Variants in ST6GALNAC3 observed in about 807,000 individuals in gnomAD.
The protein encoded by ST6GALNAC3 is alpha-N-acetylgalactosaminide alpha-2,6-sialyltransferase 3.
In ST6GALNAC3, 25 loss-of-function variants were observed where a neutral mutation model predicts 32.7. The ratio of observed to expected loss-of-function variants is 0.76; its 90% CI spans 0.56 to 1.07. The LOEUF (loss-of-function observed/expected upper bound fraction) is 1.07. Ranked by LOEUF, ST6GALNAC3 falls within the 50% of genes least tolerant of loss-of-function variation. The probability of loss-of-function intolerance (pLI) is 0.00; values close to 1 mark genes in which losing one functional copy is unlikely to be tolerated. For synonymous variants in ST6GALNAC3, 129 were observed against 133.1 expected (o/e 0.97, Z 0.21); for missense variants, 355 against 382.4 (o/e 0.93, Z 0.60).
At chr1:76,148,328 A>G (rs1358337055) in intron 1 of ST6GALNAC3, among the ~76,000 whole-genome samples, 1 of 152,202 alleles carries the variant, frequency 6.6e-6, no homozygotes, top group Non-Finnish European at 1.5e-5. Context: ...TCAACTGCTC[A>G]TCCCAGTAGG....
At chr1:76,490,809 T>C (rs1027218301) in intron 3 of ST6GALNAC3, among the ~76,000 whole-genome samples, 3 of 152,190 alleles carry the variant, frequency 2.0e-5, no homozygotes, top group Admixed American at 2.0e-4. Flanking sequence ...CCAGTGGGCC[T>C]GCAGTCTGGG....
chr1:76,431,276 G>A (rs149759148), intron 3 of ST6GALNAC3, among the ~76,000 whole-genome samples: 175 of 152,164 alleles, frequency 1.2e-3, no homozygotes, highest in Middle Eastern at 3.4e-3. Flanking sequence ...GTTAAGCTTG[G>A]GAAGCCAGCT....
chr1:76,337,714 C>T (rs766439523), intron 2 of ST6GALNAC3, among the ~76,000 whole-genome samples: 1 of 152,098 alleles, frequency 6.6e-6, no homozygotes, highest in Admixed American at 6.5e-5. Flanking sequence ...TTTGAGAAGG[C>T]CTGCCCTAAA....
chr1:76,129,168 G>T (rs1649448795), intron 1 of ST6GALNAC3, among the ~76,000 whole-genome samples: 1 of 152,158 alleles, frequency 6.6e-6, no homozygotes, highest in African/African-American at 2.4e-5. Flanking sequence ...GGGGATTTTG[G>T]TATTGTGGTG....
At chr1:76,163,259 T>C (rs1183139894) in intron 1 of ST6GALNAC3, among the ~76,000 whole-genome samples, 1 of 152,248 alleles carries the variant, frequency 6.6e-6, no homozygotes, top group Non-Finnish European at 1.5e-5. Context: ...TCCTGAGTCA[T>C]CAAATTGATT....
intron 1 of ST6GALNAC3, among the ~76,000 whole-genome samples, chr1:76,205,665 T>C (rs1313901964): frequency 4.6e-5 from 7 of 152,174 alleles, no homozygotes; most frequent in African/African-American, 7.2e-5. Flanking sequence ...AAATCTACAA[T>C]GGCATTGAGG....
At chr1:76,212,287 G>A (rs2065795) in intron 1 of ST6GALNAC3, among the ~76,000 whole-genome samples, 103,061 of 152,004 alleles carry the variant, frequency 0.68, 37,947 homozygotes, top group East Asian at 0.93. Context: ...CCTATGTTAA[G>A]TATAGTGAAA....
intron 1 of ST6GALNAC3, among the ~76,000 whole-genome samples, chr1:76,203,438 T>A (rs1654644300): frequency 1.3e-5 from 2 of 152,216 alleles, no homozygotes; most frequent in Non-Finnish European, 2.9e-5. Flanking sequence ...CAGATGATTC[T>A]GTTGCATGTG....
intron 1 of ST6GALNAC3, among the ~76,000 whole-genome samples, chr1:76,133,025 G>A (rs189426885): frequency 2.0e-5 from 3 of 152,092 alleles, no homozygotes; most frequent in East Asian, 1.9e-4. Flanking sequence ...AGTTTGTCTC[G>A]GTCAGGTCCT....
At chr1:76,332,643 T>C (rs1647210434) in intron 2 of ST6GALNAC3, among the ~76,000 whole-genome samples, 1 of 152,184 alleles carries the variant, frequency 6.6e-6, no homozygotes, top group Non-Finnish European at 1.5e-5. Context: ...GGTTAGAGCC[T>C]GTATTTTGAA....
At position 76,443,298 on chromosome 1, in the gene ST6GALNAC3, C is replaced by T. The variant is rs571464810; in HGVS notation, c.623+30881C>T. Among the ~76,000 whole-genome samples the T allele has an allele frequency of 2.4e-3, 365 of 152,272 alleles. 1 individual carries two copies. The highest frequency in any genetic ancestry group is 8.3e-3 in the African/African-American group (343 of 41,540). ...CCTCCCAAGTAGCTGGGACTATAGG[C>T]ATGAGCCACTGTGTTATCTATGGAT... On this transcript the variant is annotated intron_variant, in intron 3 of 4. Coordinates refer to ENST00000328299, the MANE Select transcript of ST6GALNAC3 (RefSeq NM_152996.4).
chr1:76,434,784 G>GTTTTTTTTTTTTTTTTTTTTTTT (rs1211703628), intron 3 of ST6GALNAC3, among the ~76,000 whole-genome samples: 1 of 72,206 alleles, frequency 1.4e-5, no homozygotes, highest in Non-Finnish European at 2.5e-5. Context: ...TTTTTTCTCT[G>GTTTTTTTTTTTTTTTTTTTTTTT]TTTTTTTTTT....
At chr1:76,493,236 A>G (rs1160905058) in intron 3 of ST6GALNAC3, among the ~76,000 whole-genome samples, 2 of 152,174 alleles carry the variant, frequency 1.3e-5, no homozygotes, top group Non-Finnish European at 2.9e-5. Context: ...AGAGAGGCAG[A>G]TGCTGCCATA....
At chr1:76,413,661 G>A (rs1315653083) in intron 3 of ST6GALNAC3, among the ~76,000 whole-genome samples, 1 of 152,082 alleles carries the variant, frequency 6.6e-6, no homozygotes, top group Admixed American at 6.6e-5. Context: ...ATACAAGACA[G>A]AAATAGCCAT....
intron 3 of ST6GALNAC3, among the ~76,000 whole-genome samples, chr1:76,449,850 A>G (rs921845823): frequency 1.3e-5 from 2 of 152,124 alleles, no homozygotes; most frequent in Admixed American, 1.3e-4. Context: ...TTGGGGGAAC[A>G]GGTGGTATTT....
chr1:76,318,517 C>T (rs1646909821), intron 2 of ST6GALNAC3, among the ~76,000 whole-genome samples: 1 of 152,130 alleles, frequency 6.6e-6, no homozygotes, highest in African/African-American at 2.4e-5. Flanking sequence ...ACCATGATTT[C>T]AAACCAAAGC....
At chr1:76,204,248 A>T (rs551900424) in intron 1 of ST6GALNAC3, among the ~76,000 whole-genome samples, 1 of 152,328 alleles carries the variant, frequency 6.6e-6, no homozygotes, top group East Asian at 1.9e-4. Flanking sequence ...ATAATATTCC[A>T]TTGTATATAT....
chr1:76,113,865 C>T (rs898286414), intron 1 of ST6GALNAC3, among the ~76,000 whole-genome samples: 1 of 151,710 alleles, frequency 6.6e-6, no homozygotes, highest in Admixed American at 6.6e-5. Context: ...TCGCTCTTGT[C>T]ACCCAGCTGG....
chr1:76,450,617 TG>T (rs1213957028), intron 3 of ST6GALNAC3, among the ~76,000 whole-genome samples: 1 of 152,202 alleles, frequency 6.6e-6, no homozygotes, highest in Non-Finnish European at 1.5e-5. Context: ...TTCTTGGTCA[TG>T]AAGTCTGCCT....
Sources: allele counts gnomAD v4.1 joint callset (sites outside exome capture counted in the v4.1 genomes callset), GRCh38; gene constraint gnomAD v4.1.1; transcripts MANE v1.5; gene names NCBI Gene and HGNC (gene_info 2026-07-23, HGNC 2026-07-21).